HAUS4: variants seen among roughly 807,000 people sequenced by gnomAD.
HAUS4 encodes HAUS augmin like complex subunit 4.
A neutral mutation model predicts 50.6 loss-of-function variants in HAUS4; 34 were observed. The observed-to-expected ratio is 0.67, with a 90% confidence interval of 0.51 to 0.90. The LOEUF (loss-of-function observed/expected upper bound fraction) is 0.90. Among genes scored for constraint, HAUS4 ranks in the 40% least tolerant of loss-of-function variants. HAUS4 has a pLI of 0.00. For missense variants in HAUS4, 370 were observed against 428.7 expected, an observed-to-expected ratio of 0.86 and a Z score of 1.21; for synonymous variants, 149 against 161.4, an observed-to-expected ratio of 0.92 and a Z score of 0.58.
chr14:22,949,353 C>G lies in HAUS4; in HGVS notation c.562+961G>C, dbSNP rs368476897. The stretch of plus-strand genomic sequence containing the variant: ...GACCATCCTGGCTAACACGGTGAAA[C>G]CCCGTCTCTACTAAAAATACAAAAA... On this transcript the variant is annotated intron_variant, in intron 6 of 9. Transcript: ENST00000541587. 2.6e-5 allele frequency among the ~76,000 whole-genome samples: 4 copies of G among 151,332 alleles called. No individual in the cohort carries two copies. The East Asian group carries it at 7.8e-4, about 30-fold the overall frequency.
chr14:22,955,103 G>T lies in HAUS4; in HGVS notation c.52C>A (p.Gln18Lys). 6.2e-7 allele frequency: 1 copy of T among 1,606,892 alleles called. No individual in the cohort carries two copies. Among genetic ancestry groups the T allele is most frequent in the Non-Finnish European group, 8.5e-7 (1 of 1,173,368 alleles). ...SPGEGMEILQ[Q>K]VCSKQLPPCN... is the part of the protein sequence containing the mutation. ...TTTTGCAAGTGGCTACTCTTACCTT[G>T]TTGAAGTATTTCCATCCCTTCTCCA... The change falls in exon 2 of 10, where the codon CAA becomes AAA. Residue 18 changes from glutamine to lysine, a missense_variant. Gln to Lys is a moderately conservative substitution (Grantham distance 53). Transcript: ENST00000541587.
intron 6 of HAUS4, among the ~76,000 whole-genome samples, chr14:22,948,831 G>A (rs1055027209): frequency 2.6e-5 from 4 of 150,968 alleles, no homozygotes; most frequent in Non-Finnish European, 4.4e-5. Context: ...CACCGCGCCC[G>A]GCCCGGACCT....
intron 8 of HAUS4, 117 bp from the exon 9 acceptor site, chr14:22,947,356 C>G (rs1366048333): frequency 1.3e-6 from 1 of 782,256 alleles, no homozygotes; most frequent in Admixed American, 2.2e-5. Context: ...ATAGGATAAA[C>G]AAGGTCACTC....
At chr14:22,951,411 G>T in intron 5 of HAUS4, 144 bp downstream of exon 5, 2 of 835,222 alleles carry the variant, frequency 2.4e-6, no homozygotes, top group Non-Finnish European at 3.8e-6. Context: ...TTGCTCCTGT[G>T]TAACGTTTTT....
Position 22,951,601 on chromosome 14 carries a change from A to G in HAUS4, c.419T>C (p.Leu140Pro), listed in dbSNP as rs1250222835. Reference sequence around the variant, plus strand: ...CAGAAGGTCCGCTTTCTCCAGCCCCAGCAGTGGAGGTATCTCCCTCTCCTG... The same window carrying G: ...CAGAAGGTCCGCTTTCTCCAGCCCCGGCAGTGGAGGTATCTCCCTCTCCTG... ...PSQEREIPPLLGLEKADLLEL... is the reference protein window; with the variant it reads ...PSQEREIPPLPGLEKADLLEL... Residue 140 changes from leucine to proline, a missense_variant, in exon 5 of 10, where the codon CTG becomes CCG. Coordinates refer to ENST00000541587, the MANE Select transcript of HAUS4 (RefSeq NM_001166269.2). The G allele has an allele frequency of 6.2e-7, 1 of 1,614,038 alleles. No individual in the cohort carries two copies. Among genetic ancestry groups the G allele is most frequent in the South Asian group, 1.1e-5 (1 of 91,082 alleles).
intron 2 of HAUS4, 81 bp downstream of exon 2, chr14:22,955,019 G>A: frequency 9.7e-7 from 1 of 1,033,550 alleles, no homozygotes. Flanking sequence ...GCCAATAAAT[G>A]CTTTTTACTA....
chr14:22,950,380 G>T lies in HAUS4; in HGVS notation c.496C>A (p.Gln166Lys). 2 of 1,612,682 alleles carry T rather than the reference G, an allele frequency of 1.2e-6. No homozygotes were observed. Among genetic ancestry groups the T allele is most frequent in the Non-Finnish European group, 1.7e-6 (2 of 1,178,778 alleles). The stretch of plus-strand genomic sequence containing the variant: ...TTTTTGAGCTGCTCCTCTACTTCTT[G>T]CTGTAGCCGAGCCCTCATCCACACA... ...DFVWMRARLQ[Q>K]EVEEQLKKKC... Residue 166 changes from glutamine to lysine, a missense_variant, in exon 6 of 10, where the codon CAA becomes AAA. Physicochemically the swap from Gln to Lys is moderately conservative, Grantham distance 53 (BLOSUM62 1). Transcript: ENST00000541587.
In HAUS4 at chr14:22,946,445, C is replaced by G. The variant is rs140060410; in HGVS notation, c.*80G>C. On this transcript the variant is annotated 3_prime_UTR_variant, in exon 10 of 10. Coordinates refer to ENST00000541587, the MANE Select transcript of HAUS4 (RefSeq NM_001166269.2). ...CACTCCCTTGTACTGAAGGCAGCCC[C>G]AGGTGAAGGTGGTCCCACTAGCAGG... The G allele has an allele frequency of 3.0e-4, 336 of 1,136,708 alleles. 2 individuals are homozygous for G. In the African/African-American group the frequency reaches 4.4e-3, roughly 15 times the overall value. 70.4% of individuals were successfully genotyped at this position (1,136,708 alleles called of 1,614,324 possible).
intron 5 of HAUS4, among the ~76,000 whole-genome samples, chr14:22,951,304 C>T (rs1234072346): frequency 6.6e-6 from 1 of 152,036 alleles, no homozygotes; most frequent in Non-Finnish European, 1.5e-5. Context: ...TACACTCGGC[C>T]TTATACTCTC....
chr14:22,947,073 T>C (rs2044656883), intron 9 of HAUS4, 98 bp downstream of exon 9: 8 of 841,470 alleles, frequency 9.5e-6, no homozygotes, highest in Non-Finnish European at 1.6e-5. Context: ...TGTGAGCCAC[T>C]GTGCCCAGCC....
intron 5 of HAUS4, among the ~76,000 whole-genome samples, chr14:22,951,066 T>C (rs2044743184): frequency 6.6e-6 from 1 of 152,146 alleles, no homozygotes; most frequent in Non-Finnish European, 1.5e-5. Context: ...AGTGGCATGA[T>C]CACAGCTCAC....
rs758202932 is a variant in HAUS4 at position 22,951,561 on chromosome 14, G to C, written c.459C>G (p.Leu153=). 1 of 1,613,942 alleles carries C rather than the reference G, an allele frequency of 6.2e-7. No individual in the cohort carries two copies. The highest frequency in any genetic ancestry group is 1.7e-5 in the Admixed American group (1 of 60,002). Residue 153 remains leucine, a synonymous_variant, in exon 5 of 10, where the codon CTC becomes CTG. Coordinates refer to ENST00000541587, the MANE Select transcript of HAUS4 (RefSeq NM_001166269.2). ...CCAATATCTCCCCGCCAACCTCTGAGAGTGGCATGAGTTCCAGAAGGTCCG... is the reference window on the plus strand; with the variant it reads ...CCAATATCTCCCCGCCAACCTCTGACAGTGGCATGAGTTCCAGAAGGTCCG... ...EKADLLELMP[L]SEDFVWMRAR...
intron 6 of HAUS4, among the ~76,000 whole-genome samples, chr14:22,949,195 T>C (rs1318073502): frequency 1.4e-5 from 2 of 148,002 alleles, no homozygotes; most frequent in Admixed American, 6.8e-5. Flanking sequence ...GGGAGGAAAG[T>C]TCAGACTCAG....
At chr14:22,949,304 T>C (rs1009459517) in intron 6 of HAUS4, among the ~76,000 whole-genome samples, 5 of 150,218 alleles carry the variant, frequency 3.3e-5, no homozygotes, top group Non-Finnish European at 7.4e-5. Context: ...CCAAGGTGGG[T>C]AGATCATGAG....
At chr14:22,946,850 CTTGG>C in intron 9 of HAUS4, 142 bp from the exon 10 acceptor site, 1 of 608,300 alleles carries the variant, frequency 1.6e-6, no homozygotes, top group Non-Finnish European at 2.8e-6. Flanking sequence ...GTGGTATGAT[CTTGG>C]CTCACTGCAG....
intron 4 of HAUS4, among the ~76,000 whole-genome samples, chr14:22,952,053 T>C (rs985374020): frequency 6.6e-6 from 1 of 152,212 alleles, no homozygotes; most frequent in African/African-American, 2.4e-5. Flanking sequence ...AGTTTCGCTC[T>C]GTCACCCAGG....
At chr14:22,955,365 T>A (rs911838947) in intron 1 of HAUS4, 189 bp from the exon 2 acceptor site, 4 of 590,318 alleles carry the variant, frequency 6.8e-6, no homozygotes, top group African/African-American at 1.9e-5. Flanking sequence ...GACAAACAGA[T>A]TTACAAGTGC....
chr14:22,946,289 A>G lies in HAUS4; in HGVS notation c.*236T>C. The G allele has an allele frequency of 2.6e-6, 1 of 390,626 alleles. No individual in the cohort carries two copies. Among genetic ancestry groups the G allele is most frequent in the Non-Finnish European group, 4.6e-6 (1 of 219,254 alleles). 24.2% of individuals were successfully genotyped at this position (390,626 alleles called of 1,614,324 possible). A position where few individuals can be genotyped will look rare whatever the true frequency, so the allele number is the denominator to read the frequency against. On this transcript the variant is annotated 3_prime_UTR_variant, in exon 10 of 10. Coordinates refer to ENST00000541587, the MANE Select transcript of HAUS4 (RefSeq NM_001166269.2). ...CAAATACAATACAGGGCTGACACTG[A>G]CACACAGCTATGCATAAAAATTATA...
At position 22,956,949 on chromosome 14, in the gene HAUS4, C is replaced by G. The variant is rs569686401; in HGVS notation, c.-56G>C. 6.5e-6 allele frequency: 1 copy of G among 154,622 alleles called. No individual in the cohort carries two copies. Among genetic ancestry groups the G allele is most frequent in the Non-Finnish European group, 1.5e-5 (1 of 68,398 alleles). The allele number at this position is 154,622 out of a possible 1,614,324, so 9.6% of individuals were successfully genotyped here. On this transcript the variant is annotated 5_prime_UTR_variant, in exon 1 of 10. Coordinates refer to ENST00000541587, the MANE Select transcript of HAUS4 (RefSeq NM_001166269.2). ...CCTGGGGCAGCTGAAGCTCTCAAGG[C>G]GGTGCCGAGAACCTCGGCTGGGGCG...
Sources: allele counts gnomAD v4.1 joint callset (sites outside exome capture counted in the v4.1 genomes callset), GRCh38; gene constraint gnomAD v4.1.1; transcripts MANE v1.5; gene names NCBI Gene and HGNC (gene_info 2026-07-23, HGNC 2026-07-21).